ZNHIT6: variants seen among roughly 807,000 people sequenced by gnomAD.
The protein encoded by ZNHIT6 is box C/D snoRNA protein 1.
Under a neutral mutation model 57.2 loss-of-function variants are expected in ZNHIT6, and 45 were observed. The observed-to-expected ratio is 0.79, with a 90% CI of 0.62 to 1.01. The LOEUF (loss-of-function observed/expected upper bound fraction) is 1.01, where lower values mean the gene tolerates loss of function less well. ZNHIT6 is among the 50% of genes least tolerant of loss of function. ZNHIT6 has a pLI of 0.00. For missense variants in ZNHIT6, 528 were observed against 567.3 expected (o/e 0.93, Z 0.70); for synonymous variants, 188 against 190.0 (o/e 0.99, Z 0.09).
intron 8 of ZNHIT6, among the ~76,000 whole-genome samples, chr1:85,673,389 G>A (rs1050229730): frequency 6.6e-6 from 1 of 152,120 alleles, no homozygotes; most frequent in Non-Finnish European, 1.5e-5. Flanking sequence ...TTCTAGGATC[G>A]CAATTTAAAA....
chr1:85,664,130 T>C (rs758833928), intron 8 of ZNHIT6, among the ~76,000 whole-genome samples: 1 of 152,228 alleles, frequency 6.6e-6, no homozygotes, highest in Non-Finnish European at 1.5e-5. Context: ...ATGGACGATA[T>C]CTTAAAATGT....
At chr1:85,655,975 A>G (rs1428354211) in intron 9 of ZNHIT6, among the ~76,000 whole-genome samples, 1 of 152,188 alleles carries the variant, frequency 6.6e-6, no homozygotes, top group Admixed American at 6.5e-5. Flanking sequence ...CAAATTAGGA[A>G]AGAGACAACT....
intron 4 of ZNHIT6, among the ~76,000 whole-genome samples, chr1:85,705,856 T>A (rs1286580763): frequency 6.6e-6 from 1 of 152,202 alleles, no homozygotes; most frequent in Non-Finnish European, 1.5e-5. Context: ...AACTTAACTC[T>A]ATCTGAAATT....
At chr1:85,696,852 C>CTTTTTT (rs67507264) in intron 5 of ZNHIT6, among the ~76,000 whole-genome samples, 3 of 113,692 alleles carry the variant, frequency 2.6e-5, no homozygotes, top group African/African-American at 3.5e-5. Context: ...ACCATCTATT[C>CTTTTTT]TTTTTTTTTT....
At chr1:85,694,703 G>C (rs1406767576) in intron 5 of ZNHIT6, among the ~76,000 whole-genome samples, 1 of 152,206 alleles carries the variant, frequency 6.6e-6, no homozygotes, top group African/African-American at 2.4e-5. Flanking sequence ...CTCGTGATCC[G>C]CCCGCCTTGG....
chr1:85,654,579 G>T (rs1661008839), intron 9 of ZNHIT6, among the ~76,000 whole-genome samples: 1 of 152,102 alleles, frequency 6.6e-6, no homozygotes, highest in Non-Finnish European at 1.5e-5. Context: ...CCCCTGTCTT[G>T]CTTAGAGCAA....
intron 8 of ZNHIT6, among the ~76,000 whole-genome samples, chr1:85,667,079 T>C (rs1352300290): frequency 6.6e-6 from 1 of 152,144 alleles, no homozygotes; most frequent in Admixed American, 6.5e-5. Flanking sequence ...GAACATGCAT[T>C]ATGATTATTT....
At chr1:85,706,387 T>C in intron 2 of ZNHIT6, 32 bp from the exon 3 acceptor site, 1 of 1,613,632 alleles carries the variant, frequency 6.2e-7, no homozygotes, top group Non-Finnish European at 8.5e-7. Context: ...ACTTTTATAT[T>C]TTAGGGTAAG....
chr1:85,663,608 G>A (rs1661283307), intron 8 of ZNHIT6, among the ~76,000 whole-genome samples: 1 of 152,090 alleles, frequency 6.6e-6, no homozygotes, highest in African/African-American at 2.4e-5. Flanking sequence ...ATGGGGGGAG[G>A]CAGACAAACA....
intron 8 of ZNHIT6, among the ~76,000 whole-genome samples, chr1:85,676,102 T>G (rs1570303741): frequency 6.6e-6 from 1 of 152,128 alleles, no homozygotes; most frequent in Admixed American, 6.5e-5. Flanking sequence ...TTTGGGAGGC[T>G]GAGGCAGGCA....
intron 5 of ZNHIT6, among the ~76,000 whole-genome samples, chr1:85,696,076 T>C (rs542067777): frequency 2.0e-5 from 3 of 152,234 alleles, no homozygotes; most frequent in South Asian, 2.1e-4. Flanking sequence ...GTGAAGTTTT[T>C]CTTATCTAAC....
At chr1:85,664,832 GTTGTT>G (rs907010026) in intron 8 of ZNHIT6, among the ~76,000 whole-genome samples, 7 of 151,896 alleles carry the variant, frequency 4.6e-5, no homozygotes, top group Non-Finnish European at 7.4e-5. Context: ...TCGTTCTGTT[GTTGTT>G]TTGTTTTGTT....
chr1:85,684,245 T>C (rs1661962264), intron 5 of ZNHIT6, among the ~76,000 whole-genome samples: 1 of 152,202 alleles, frequency 6.6e-6, no homozygotes, highest in African/African-American at 2.4e-5. Context: ...TTAATCCTTA[T>C]GTTCCCTTCT....
At chr1:85,704,240 T>TA (rs2100722830) in intron 4 of ZNHIT6, among the ~76,000 whole-genome samples, 1 of 152,324 alleles carries the variant, frequency 6.6e-6, no homozygotes, top group South Asian at 2.1e-4. Flanking sequence ...AAGATATGCA[T>TA]ACCACACAAC....
intron 8 of ZNHIT6, among the ~76,000 whole-genome samples, chr1:85,672,237 A>G (rs947326447): frequency 6.6e-5 from 10 of 151,834 alleles, no homozygotes; most frequent in African/African-American, 2.4e-4. Flanking sequence ...GTCACCTTTG[A>G]TTCCTATTTA....
chr1:85,664,016 G>A (rs189051219), intron 8 of ZNHIT6, among the ~76,000 whole-genome samples: 4 of 152,198 alleles, frequency 2.6e-5, no homozygotes, highest in East Asian at 1.9e-4. Flanking sequence ...AAAATCTGAC[G>A]ATTATGTATC....
chr1:85,668,300 G>C (rs1009264416), intron 8 of ZNHIT6, among the ~76,000 whole-genome samples: 1 of 151,884 alleles, frequency 6.6e-6, no homozygotes, highest in Non-Finnish European at 1.5e-5. Context: ...TCTATTAAAG[G>C]CATGGTTGTT....
chr1:85,657,841 A>C lies in ZNHIT6; in HGVS notation c.1372+6T>G. 6.2e-7 allele frequency: 1 copy of C among 1,606,038 alleles called. No homozygotes were observed. Among genetic ancestry groups the C allele is most frequent in the Non-Finnish European group, 8.5e-7 (1 of 1,177,466 alleles). On this transcript the variant is annotated splice_donor_region_variant and intron_variant, in intron 9 of 9. Transcript: ENST00000370574. Reference sequence around the variant, plus strand: ...CTAAGCATTACAGAAACAAATTTACACTTACCTTGGTGAAGAACTTTCATG... The same window carrying C: ...CTAAGCATTACAGAAACAAATTTACCCTTACCTTGGTGAAGAACTTTCATG...
At chr1:85,666,736 C>G (rs1447249973) in intron 8 of ZNHIT6, among the ~76,000 whole-genome samples, 1 of 152,180 alleles carries the variant, frequency 6.6e-6, no homozygotes, top group Non-Finnish European at 1.5e-5. Flanking sequence ...GGAAGAGTAT[C>G]ATCTTTGAGA....
Sources: gnomAD v4.1 joint callset for allele counts (sites outside exome capture counted in the v4.1 genomes callset) on GRCh38, gnomAD v4.1.1 for gene constraint, MANE v1.5 for transcripts, NCBI Gene and HGNC (gene_info 2026-07-23, HGNC 2026-07-21) for gene names.